Variants in PDS5A observed in about 807,000 individuals in gnomAD.
PDS5A encodes sister chromatid cohesion protein PDS5 homolog A.
A neutral mutation model predicts 167.1 loss-of-function variants in PDS5A; 42 were observed. That is an observed-to-expected ratio of 0.25 (90% CI 0.20 to 0.33). The LOEUF is 0.33. Ranked by LOEUF, PDS5A falls within the 10% of genes least tolerant of loss-of-function variation. The pLI is 1.00. For synonymous variants in PDS5A, 553 were observed against 554.6 expected (o/e 1.00, Z 0.04); for missense variants, 1,033 against 1,605.9 (o/e 0.64, Z 6.10).
At chr4:39,961,943 A>G (rs1729514888) in intron 2 of PDS5A, among the ~76,000 whole-genome samples, 2 of 152,232 alleles carry the variant, frequency 1.3e-5, no homozygotes, top group African/African-American at 4.8e-5. Context: ...AAGATCTTCA[A>G]TTAAGACCTA....
intron 31 of PDS5A, among the ~76,000 whole-genome samples, chr4:39,840,687 C>A (rs1047788765): frequency 6.6e-6 from 1 of 151,970 alleles, no homozygotes; most frequent in Non-Finnish European, 1.5e-5. Context: ...TGAGCCACTG[C>A]GCCGGGTCGC....
chr4:39,880,786 C>A (rs543289501), intron 17 of PDS5A, among the ~76,000 whole-genome samples: 11 of 152,194 alleles, frequency 7.2e-5, no homozygotes, highest in African/African-American at 2.4e-4. Context: ...AAACACTTAT[C>A]ATTTCTTTGT....
intron 2 of PDS5A, among the ~76,000 whole-genome samples, chr4:39,940,991 CATA>C (rs1310104881): frequency 6.6e-6 from 1 of 152,180 alleles, no homozygotes; most frequent in Non-Finnish European, 1.5e-5. Context: ...ACTGAAGAAA[CATA>C]ATGAGTTAAT....
rs1270580347 is a variant in PDS5A, at chr4:39,848,881, G to A, written c.3309C>T (p.Leu1103=). The A allele has an allele frequency of 4.4e-6, 7 of 1,605,646 alleles. No individual in the cohort carries two copies. In the Admixed American group the frequency reaches 1.0e-4, roughly 23 times the overall value. Residue 1103 remains leucine (L), a synonymous_variant, in exon 28 of 33, where the codon CTC becomes CTT. Coordinates refer to ENST00000303538, the MANE Select transcript of PDS5A (RefSeq NM_001100399.2). ...CAGGTTGTGTAAAAAATTTCATTGG[G>A]AGGACTGGGTCCTTTGGTGAATCTG... The part of the protein sequence containing the change: ...CNADSPKDPV[L]PMKFFTQPEK...
intron 2 of PDS5A, among the ~76,000 whole-genome samples, chr4:39,954,670 T>TAAATAAAAAA (rs1553908181): frequency 8.3e-5 from 4 of 48,274 alleles, no homozygotes; most frequent in Non-Finnish European, 1.6e-4. Context: ...AAGAGATAAG[T>TAAATAAAAAA]AAAAAAAAAA....
At chr4:39,919,882 C>T (rs1228071334) in intron 7 of PDS5A, among the ~76,000 whole-genome samples, 1 of 149,614 alleles carries the variant, frequency 6.7e-6, no homozygotes, top group East Asian at 2.0e-4. Flanking sequence ...TTGCCAAAAA[C>T]AACAGGCAAA....
chr4:39,949,975 G>A (rs1404504714), intron 2 of PDS5A, among the ~76,000 whole-genome samples: 2 of 151,860 alleles, frequency 1.3e-5, no homozygotes, highest in Non-Finnish European at 2.9e-5. Context: ...GCATGATCTC[G>A]GCTCACCACA....
In PDS5A at chr4:39,849,645, A is replaced by G. The variant is rs975472096; in HGVS notation, c.3094T>C (p.Trp1032Arg). Residue 1032 changes from tryptophan (W) to arginine (R), a missense_variant, in exon 27 of 33, where the codon TGG becomes CGG. Physicochemically the swap from Trp to Arg is moderately radical, Grantham distance 101. This residue lies in a region of PDS5A where 367 missense variants were observed against 686.7 expected (regional missense o/e 0.53). Coordinates refer to ENST00000303538, the MANE Select transcript of PDS5A (RefSeq NM_001100399.2). ...DQLRDIKECLWFMLEVLMTKN... is the reference protein window; with the variant it reads ...DQLRDIKECLRFMLEVLMTKN... ...GTCATTAAAACTTCAAGCATGAACCATAGGCACCTAAATGTAAACATATTA... is the reference window on the plus strand; with the variant it reads ...GTCATTAAAACTTCAAGCATGAACCGTAGGCACCTAAATGTAAACATATTA... 6.2e-7 allele frequency: 1 copy of G among 1,608,824 alleles called. No homozygotes were observed. Among genetic ancestry groups the G allele is most frequent in the African/African-American group, 1.3e-5 (1 of 74,922 alleles).
At chr4:39,829,606 C>G (rs1715629430) in intron 32 of PDS5A, among the ~76,000 whole-genome samples, 1 of 150,188 alleles carries the variant, frequency 6.7e-6, no homozygotes, top group Non-Finnish European at 1.5e-5. Context: ...AAGACTGCGC[C>G]ACTACACTCC....
chr4:39,950,393 T>C (rs1237500945), intron 2 of PDS5A, among the ~76,000 whole-genome samples: 1 of 151,538 alleles, frequency 6.6e-6, no homozygotes, highest in Non-Finnish European at 1.5e-5. Flanking sequence ...TGCCACTGTA[T>C]ACTTCAGCCT....
intron 2 of PDS5A, among the ~76,000 whole-genome samples, chr4:39,947,851 C>T (rs1406114514): frequency 6.6e-6 from 1 of 152,138 alleles, no homozygotes; most frequent in Non-Finnish European, 1.5e-5. Context: ...GATGGAACAC[C>T]TCCCAGTAGG....
At chr4:39,913,461 A>T (rs540112023) in intron 9 of PDS5A, 150 bp downstream of exon 9, 34 of 560,086 alleles carry the variant, frequency 6.1e-5, no homozygotes, top group Middle Eastern at 4.7e-4. Flanking sequence ...TTTTTCATAC[A>T]ATTTATTCCA....
chr4:39,874,950 G>A (rs559178474), intron 19 of PDS5A, among the ~76,000 whole-genome samples: 6 of 152,190 alleles, frequency 3.9e-5, no homozygotes, highest in Non-Finnish European at 8.8e-5. Context: ...AGGTATTTCC[G>A]CATGGATTAA....
Position 39,954,769 on chromosome 4 carries a change from GA to G in PDS5A, c.138+21670del, listed in dbSNP as rs1309249544. ...TAAAATAACTATGAGGCCAGGCAGA[GA>G]GCCTCATGCCTGTTAATAGGCATGA... On this transcript the variant is annotated intron_variant, in intron 2 of 32. Transcript: ENST00000303538. Among the ~76,000 whole-genome samples the G allele has an allele frequency of 2.6e-5, 4 of 151,058 alleles. No homozygotes were observed. In the East Asian group the frequency reaches 7.8e-4, roughly 30 times the overall value.
At chr4:39,967,393 A>G (rs1187876037) in intron 2 of PDS5A, among the ~76,000 whole-genome samples, 2 of 152,178 alleles carry the variant, frequency 1.3e-5, no homozygotes, top group Middle Eastern at 3.4e-3. Context: ...TATGCCTGTA[A>G]TCCCAACACT....
intron 2 of PDS5A, among the ~76,000 whole-genome samples, chr4:39,935,694 C>A (rs563584267): frequency 1.6e-4 from 24 of 152,120 alleles, no homozygotes; most frequent in Non-Finnish European, 3.2e-4. Flanking sequence ...GTTTTGAAAT[C>A]AGGTAGTATG....
chr4:39,870,465 T>C (rs766622974), intron 21 of PDS5A, among the ~76,000 whole-genome samples: 9 of 152,070 alleles, frequency 5.9e-5, no homozygotes, highest in Admixed American at 2.0e-4. Flanking sequence ...CGTGTGCTGA[T>C]AGTCCCAGCT....
chr4:39,895,268 G>T (rs1578688357), intron 16 of PDS5A, among the ~76,000 whole-genome samples: 1 of 151,212 alleles, frequency 6.6e-6, no homozygotes. Context: ...ACATTAGAGT[G>T]CACGCACACA....
Position 39,848,886 on chromosome 4 carries a change from C to T in PDS5A, c.3304G>A (p.Val1102Ile), listed in dbSNP as rs755380083. Residue 1102 changes from valine (V) to isoleucine (I), a missense_variant, in exon 28 of 33, where the codon GTC becomes ATC. Physicochemically the swap from Val to Ile is conservative, Grantham distance 29 (BLOSUM62 3). This residue lies in a region of PDS5A where 367 missense variants were observed against 686.7 expected (regional missense o/e 0.53). Coordinates refer to ENST00000303538, the MANE Select transcript of PDS5A (RefSeq NM_001100399.2). Reference sequence around the variant, plus strand: ...TGTGTAAAAAATTTCATTGGGAGGACTGGGTCCTTTGGTGAATCTGCATTG... The same window carrying T: ...TGTGTAAAAAATTTCATTGGGAGGATTGGGTCCTTTGGTGAATCTGCATTG... ...LCNADSPKDP[V>I]LPMKFFTQPE... 3 of 1,606,642 alleles carry T rather than the reference C, an allele frequency of 1.9e-6. No individual in the cohort carries two copies. Among genetic ancestry groups the T allele is most frequent in the Non-Finnish European group, 2.6e-6 (3 of 1,175,838 alleles).
Sources: allele counts gnomAD v4.1 joint callset (sites outside exome capture counted in the v4.1 genomes callset), GRCh38; gene constraint gnomAD v4.1.1; regional missense constraint gnomAD v4.1.1; transcripts MANE v1.5; gene names NCBI Gene and HGNC (gene_info 2026-07-23, HGNC 2026-07-21).